MAP3K20: variants seen among roughly 807,000 people sequenced by gnomAD.
The protein encoded by MAP3K20 is mitogen-activated protein kinase kinase kinase 20, also known as HCCS-4.
MAP3K20 carries 40 observed loss-of-function variants against 85.7 expected under a neutral mutation model. The ratio of observed to expected loss-of-function variants is 0.47; its 90% confidence interval spans 0.36 to 0.61. MAP3K20 has a LOEUF of 0.61. Among genes scored for constraint, MAP3K20 ranks in the 20% least tolerant of loss-of-function variants. MAP3K20 has a pLI of 0.00. For synonymous variants in MAP3K20, 325 were observed against 327.7 expected, an observed-to-expected ratio of 0.99 and a Z score of 0.09; for missense variants, 817 against 961.7, an observed-to-expected ratio of 0.85 and a Z score of 1.99.
At chr2:173,190,956 T>A (rs1362633511) in intron 6 of MAP3K20, 33 bp downstream of exon 6, 1 of 1,608,512 alleles carries the variant, frequency 6.2e-7, no homozygotes, top group Non-Finnish European at 8.5e-7. Flanking sequence ...AAAAAATTGT[T>A]AATTTCAGAT....
chr2:173,209,014 AATT>A (rs1273620248), intron 9 of MAP3K20, among the ~76,000 whole-genome samples: 1 of 152,212 alleles, frequency 6.6e-6, no homozygotes, highest in Non-Finnish European at 1.5e-5. Flanking sequence ...CACTAAAGCT[AATT>A]ATAACAGAAA....
At chr2:173,220,848 CTATT>C (rs959177162) in intron 11 of MAP3K20, among the ~76,000 whole-genome samples, 19 of 152,262 alleles carry the variant, frequency 1.2e-4, no homozygotes, top group Non-Finnish European at 2.5e-4. Flanking sequence ...ATCCTAGAAA[CTATT>C]TTGTTTTAAG....
chr2:173,162,617 C>A (rs1382635057), intron 2 of MAP3K20, among the ~76,000 whole-genome samples: 2 of 147,460 alleles, frequency 1.4e-5, no homozygotes. Flanking sequence ...ACCCAGGAGG[C>A]GGAGGTTGCA....
At chr2:173,224,421 C>T (rs968337156) in intron 11 of MAP3K20, 44 of 985,152 alleles carry the variant, frequency 4.5e-5, no homozygotes, top group Non-Finnish European at 5.2e-5. Flanking sequence ...AGTTCTGATG[C>T]ATTAATAAAA....
chr2:173,094,486 G>A (rs1687401304), intron 2 of MAP3K20, among the ~76,000 whole-genome samples: 1 of 152,138 alleles, frequency 6.6e-6, no homozygotes, highest in African/African-American at 2.4e-5. Flanking sequence ...AGCTTTTGAT[G>A]GCAATTTTTC....
At chr2:173,144,915 C>T (rs565883722) in intron 2 of MAP3K20, among the ~76,000 whole-genome samples, 5 of 152,208 alleles carry the variant, frequency 3.3e-5, no homozygotes, top group African/African-American at 9.6e-5. Flanking sequence ...AACAGAATTT[C>T]ATATTTAGAC....
At position 173,182,851 on chromosome 2, in the gene MAP3K20, T is replaced by C. The variant is rs145588073; in HGVS notation, c.248-3T>C. The stretch of plus-strand genomic sequence containing the variant: ...TATATGCTTATCTTTCCTTTTAAAA[T>C]AGAATATGCTTCTCTGGGATCACTC... On this transcript the variant is annotated splice_polypyrimidine_tract_variant and splice_region_variant and intron_variant, in intron 3 of 19. Coordinates refer to ENST00000375213, the MANE Select transcript of MAP3K20 (RefSeq NM_016653.3). 7.6e-4 allele frequency: 1,197 copies of C among 1,572,720 alleles called. 10 individuals are homozygous for C. In the African/African-American group the frequency reaches 0.014, roughly 18 times the overall value.
At chr2:173,161,006 T>C (rs1689641631) in intron 2 of MAP3K20, among the ~76,000 whole-genome samples, 1 of 152,182 alleles carries the variant, frequency 6.6e-6, no homozygotes. Context: ...TGGAAATACA[T>C]GGCAAAATGT....
intron 14 of MAP3K20, among the ~76,000 whole-genome samples, chr2:173,237,531 A>G (rs1684682134): frequency 1.3e-5 from 2 of 152,200 alleles, no homozygotes; most frequent in African/African-American, 4.8e-5. Flanking sequence ...TCAGGTTGGT[A>G]CTTTTTTACT....
chr2:173,212,664 C>T (rs186788316), intron 10 of MAP3K20: 1 of 152,088 alleles, frequency 6.6e-6, no homozygotes, highest in South Asian at 2.1e-4. Flanking sequence ...CATTGTGACT[C>T]TAACCTGTGG....
At position 173,232,304 on chromosome 2, in the gene MAP3K20, T is replaced by A; in HGVS notation, c.1064-16T>A. ...TTTCATCTAATTTTATTCTGCTTTC[T>A]AATCACTTCCTTCAGGTGACTCTTC... is the stretch of plus-strand genomic sequence containing the variant. On this transcript the variant is annotated splice_polypyrimidine_tract_variant and intron_variant, in intron 13 of 19. Coordinates refer to ENST00000375213, the MANE Select transcript of MAP3K20 (RefSeq NM_016653.3). 3 of 1,614,218 alleles carry A rather than the reference T, an allele frequency of 1.9e-6. No individual in the cohort carries two copies. Among genetic ancestry groups the A allele is most frequent in the Non-Finnish European group, 2.5e-6 (3 of 1,180,024 alleles).
At chr2:173,078,792 A>G (rs1281833299) in intron 1 of MAP3K20, among the ~76,000 whole-genome samples, 1 of 152,220 alleles carries the variant, frequency 6.6e-6, no homozygotes, top group Non-Finnish European at 1.5e-5. Context: ...TAAATAGGGT[A>G]AACAAAAGGC....
chr2:173,082,793 C>A (rs779015707), intron 1 of MAP3K20, among the ~76,000 whole-genome samples: 8 of 152,256 alleles, frequency 5.3e-5, no homozygotes, highest in Non-Finnish European at 7.3e-5. Context: ...GCCCACGCAG[C>A]GGCCTATGCC....
At chr2:173,143,223 C>T (rs1015325885) in intron 2 of MAP3K20, among the ~76,000 whole-genome samples, 20 of 151,688 alleles carry the variant, frequency 1.3e-4, no homozygotes, top group African/African-American at 4.8e-4. Flanking sequence ...ACTTCAGGAA[C>T]CAAAAGTATT....
intron 2 of MAP3K20, among the ~76,000 whole-genome samples, chr2:173,144,147 T>G (rs1346880325): frequency 1.3e-5 from 2 of 150,026 alleles, no homozygotes; most frequent in Admixed American, 1.3e-4. Context: ...AAAATAAAAA[T>G]AAAGAAAGGA....
chr2:173,216,699 T>A (rs1307657114), intron 10 of MAP3K20, among the ~76,000 whole-genome samples: 1 of 152,190 alleles, frequency 6.6e-6, no homozygotes, highest in Non-Finnish European at 1.5e-5. Context: ...TGGTGTGTTG[T>A]TGACCACCTA....
At chr2:173,253,631 G>A (rs1685091504) in intron 16 of MAP3K20, among the ~76,000 whole-genome samples, 1 of 152,306 alleles carries the variant, frequency 6.6e-6, no homozygotes, top group South Asian at 2.1e-4. Flanking sequence ...TGAAAAAGGA[G>A]TACTTTGCAG....
chr2:173,263,843 T>C lies in MAP3K20; in HGVS notation c.1650T>C (p.Ile550=). 1 of 1,613,514 alleles carries C rather than the reference T, an allele frequency of 6.2e-7. No individual in the cohort carries two copies. The highest frequency in any genetic ancestry group is 8.5e-7 in the Non-Finnish European group (1 of 1,179,872). Residue 550 remains isoleucine (I), a synonymous_variant, in exon 19 of 20, where the codon ATT becomes ATC. Coordinates refer to ENST00000375213, the MANE Select transcript of MAP3K20 (RefSeq NM_016653.3). ...AAGTGAAAGCAGTCCAACTTGCCAT[T>C]CAGACATTATTCACCAATTCAGATG... ...QDEVKAVQLA[I]QTLFTNSDGN...
intron 8 of MAP3K20, among the ~76,000 whole-genome samples, chr2:173,202,485 CA>C (rs1691102017): frequency 6.6e-6 from 1 of 152,146 alleles, no homozygotes; most frequent in Non-Finnish European, 1.5e-5. Flanking sequence ...CTTATTACAG[CA>C]GTTCTCAACT....
Sources: gnomAD v4.1 joint callset for allele counts (sites outside exome capture counted in the v4.1 genomes callset) on GRCh38, gnomAD v4.1.1 for gene constraint, MANE v1.5 for transcripts, NCBI Gene and HGNC (gene_info 2026-07-23, HGNC 2026-07-21) for gene names.